KPNA7: variants seen among roughly 807,000 people sequenced by gnomAD.
The protein encoded by KPNA7 is karyopherin subunit alpha 7.
A neutral mutation model predicts 53.7 loss-of-function variants in KPNA7; 54 were observed. That is an observed-to-expected ratio of 1.01 (90% CI 0.81 to 1.26). The LOEUF is 1.26. Among genes scored for constraint, KPNA7 ranks in the 50% most tolerant of loss-of-function variants. The pLI is 0.00. For missense variants in KPNA7, 640 were observed against 644.5 expected, an observed-to-expected ratio of 0.99 and a Z score of 0.07; for synonymous variants, 276 against 259.3, an observed-to-expected ratio of 1.06 and a Z score of -0.62.
chr7:99,176,297 CAAA>C (rs1491289534), intron 10 of KPNA7, among the ~76,000 whole-genome samples: 1 of 57,146 alleles, frequency 1.7e-5, no homozygotes, highest in Non-Finnish European at 3.8e-5. Flanking sequence ...GACTACGTCT[CAAA>C]AAAAAAAAAA....
Position 99,173,658 on chromosome 7 carries a change from G to C in KPNA7, c.*50C>G, listed in dbSNP as rs976134179. 2.5e-6 allele frequency: 3 copies of C among 1,194,196 alleles called. No homozygotes were observed. In the East Asian group the frequency reaches 7.7e-5, roughly 31 times the overall value. The allele number at this position is 1,194,196 out of a possible 1,614,324, so 74.0% of individuals were successfully genotyped here. ...AGATAGAGGACTGCTGCTTCTTAAAGAAGTTATCCTTTAGCACTGGGTTGT... is the reference window on the plus strand; with the variant it reads ...AGATAGAGGACTGCTGCTTCTTAAACAAGTTATCCTTTAGCACTGGGTTGT... On this transcript the variant is annotated 3_prime_UTR_variant, in exon 11 of 11. Coordinates refer to ENST00000327442, the MANE Select transcript of KPNA7 (RefSeq NM_001145715.3).
At chr7:99,164,698 A>G in the KPNA7 span, among the ~76,000 whole-genome samples, 194 of 152,256 alleles carry the variant, frequency 1.3e-3, no homozygotes, top group African/African-American at 4.3e-3. Flanking sequence ...AGGCCTGGAG[A>G]GGCAGGATGC....
At chr7:99,208,938 G>A (rs568392664), upstream of KPNA7, among the ~76,000 whole-genome samples, 5 of 152,232 alleles carry the variant, frequency 3.3e-5, no homozygotes, top group African/African-American at 9.6e-5. Context: ...GATCACTTGA[G>A]GCCAGGAGTT....
intron 9 of KPNA7, among the ~76,000 whole-genome samples, chr7:99,181,412 T>C (rs2150715047): frequency 6.6e-6 from 1 of 152,344 alleles, no homozygotes. Context: ...AGTCTGAGCA[T>C]CTGAAAAAAT....
chr7:99,183,954 C>T (rs1375888684), intron 8 of KPNA7, among the ~76,000 whole-genome samples: 2 of 152,140 alleles, frequency 1.3e-5, no homozygotes, highest in East Asian at 3.9e-4. Context: ...TCAAGTGATT[C>T]TCCTGTCTTA....
chr7:99,209,682 C>CAAAAA (rs60377276), upstream of KPNA7, among the ~76,000 whole-genome samples: 29 of 73,534 alleles, frequency 3.9e-4, no homozygotes, highest in Non-Finnish European at 5.0e-4. Flanking sequence ...GACTCCAACT[C>CAAAAA]AAAAAAAAAA....
chr7:99,182,107 A>T, intron 8 of KPNA7, 42 bp from the exon 9 acceptor site: 1 of 1,448,922 alleles, frequency 6.9e-7, no homozygotes, highest in Non-Finnish European at 9.3e-7. Flanking sequence ...GATCCTCAAG[A>T]ACCTAAATAG....
the KPNA7 span, among the ~76,000 whole-genome samples, chr7:99,153,862 C>A: frequency 1.3e-5 from 2 of 151,716 alleles, no homozygotes; most frequent in Non-Finnish European, 2.9e-5. Flanking sequence ...GTAGTCCCTG[C>A]TATTTGGGAG....
intron 10 of KPNA7, 61 bp downstream of exon 10, chr7:99,177,859 C>T: frequency 6.9e-7 from 1 of 1,449,088 alleles, no homozygotes; most frequent in East Asian, 2.6e-5. Flanking sequence ...GCAGGGTGAC[C>T]CTCTGCAGAG....
intron 10 of KPNA7, among the ~76,000 whole-genome samples, chr7:99,176,897 T>C (rs1451990712): frequency 1.3e-4 from 20 of 151,762 alleles, no homozygotes; most frequent in Admixed American, 3.9e-4. Context: ...CAAAAAAAAA[T>C]TGGAAGCAGG....
upstream of KPNA7, among the ~76,000 whole-genome samples, chr7:99,209,704 A>AAAAAT (rs1554472340): frequency 4.2e-5 from 6 of 142,784 alleles, 1 homozygote; most frequent in African/African-American, 1.6e-4. Flanking sequence ...AAAAAAAAAA[A>AAAAAT]AAAAAAGAAA....
upstream of KPNA7, among the ~76,000 whole-genome samples, chr7:99,211,841 C>T (rs1791079362): frequency 6.6e-6 from 1 of 152,182 alleles, no homozygotes; most frequent in South Asian, 2.1e-4. Flanking sequence ...AAATCTGATC[C>T]TGGGAAATGC....
upstream of KPNA7, among the ~76,000 whole-genome samples, chr7:99,213,044 G>A (rs1342703627): frequency 6.6e-6 from 1 of 152,030 alleles, no homozygotes; most frequent in African/African-American, 2.4e-5. Context: ...CTATTTCTAG[G>A]TCTCCAAGAG....
intron 2 of KPNA7, among the ~76,000 whole-genome samples, chr7:99,205,410 CA>C (rs61410237): frequency 0.032 from 3,515 of 109,242 alleles, 55 homozygotes; most frequent in African/African-American, 0.14. Flanking sequence ...GACTCCATCT[CA>C]AAAAAAAAAA....
At chr7:99,189,804 C>G (rs1789841134) in intron 6 of KPNA7, among the ~76,000 whole-genome samples, 1 of 152,060 alleles carries the variant, frequency 6.6e-6, no homozygotes, top group African/African-American at 2.4e-5. Flanking sequence ...GTTGCCCAGG[C>G]TGGTCTCAAA....
intron 2 of KPNA7, among the ~76,000 whole-genome samples, chr7:99,205,049 C>T (rs891774417): frequency 2.0e-5 from 3 of 152,112 alleles, no homozygotes; most frequent in African/African-American, 7.2e-5. Flanking sequence ...TCAATTCCTT[C>T]GTTCTCACTG....
intron 3 of KPNA7, among the ~76,000 whole-genome samples, chr7:99,200,160 C>T (rs1345432553): frequency 2.6e-5 from 4 of 152,184 alleles, no homozygotes; most frequent in African/African-American, 9.6e-5. Context: ...GCCTCAGCCT[C>T]CTAATATGCT....
At chr7:99,215,681 G>A (rs996796604) in intron 1 of KPNA7, among the ~76,000 whole-genome samples, 1 of 151,992 alleles carries the variant, frequency 6.6e-6, no homozygotes, top group Non-Finnish European at 1.5e-5. Flanking sequence ...GTGCCCTGTC[G>A]TTCTTTACTT....
chr7:99,212,594 T>C (rs1224389602), upstream of KPNA7, among the ~76,000 whole-genome samples: 3 of 151,926 alleles, frequency 2.0e-5, no homozygotes, highest in Non-Finnish European at 2.9e-5. Context: ...TAAGGAAGCG[T>C]TGCTTTTTAA....
Sources: allele counts gnomAD v4.1 joint callset (sites outside exome capture counted in the v4.1 genomes callset), GRCh38; gene constraint gnomAD v4.1.1; transcripts MANE v1.5; gene names NCBI Gene and HGNC (gene_info 2026-07-23, HGNC 2026-07-21).